Variants in GRID2 observed in about 807,000 individuals in gnomAD.
The protein encoded by GRID2 is glutamate receptor ionotropic, delta-2.
GRID2 carries 33 observed loss-of-function variants against 114.8 expected under a neutral mutation model. The ratio of observed to expected loss-of-function variants is 0.29; its 90% confidence interval spans 0.22 to 0.38. The LOEUF (loss-of-function observed/expected upper bound fraction) is 0.38. Ranked by LOEUF, GRID2 falls within the 10% of genes least tolerant of loss-of-function variation. The pLI, the probability that GRID2 is intolerant of heterozygous loss-of-function variation, is 1.00. For missense variants in GRID2, 1,184 were observed against 1,257.7 expected (o/e 0.94, Z 0.89); for synonymous variants, 505 against 449.9 (o/e 1.12, Z -1.55).
chr4:92,407,107 G>C (rs1353310637), intron 1 of GRID2, among the ~76,000 whole-genome samples: 5 of 151,974 alleles, frequency 3.3e-5, no homozygotes, highest in Non-Finnish European at 4.4e-5. Flanking sequence ...GTGCGTGTCA[G>C]ATACTGCCAC....
intron 13 of GRID2, among the ~76,000 whole-genome samples, chr4:93,587,782 A>T (rs1024074977): frequency 2.6e-5 from 4 of 152,132 alleles, no homozygotes; most frequent in Admixed American, 6.6e-5. Context: ...TTATAATTTT[A>T]TGAGTAAATT....
At chr4:93,748,243 T>G (rs776153741) in intron 14 of GRID2, among the ~76,000 whole-genome samples, 8 of 152,266 alleles carry the variant, frequency 5.3e-5, no homozygotes, top group African/African-American at 1.9e-4. Context: ...AGCCATCATC[T>G]AAGAACCTTG....
At chr4:93,262,516 T>C (rs1196380777) in intron 8 of GRID2, among the ~76,000 whole-genome samples, 4 of 151,984 alleles carry the variant, frequency 2.6e-5, no homozygotes, top group African/African-American at 9.7e-5. Flanking sequence ...ATTATATACA[T>C]ATATTTTCCA....
intron 13 of GRID2, among the ~76,000 whole-genome samples, chr4:93,621,010 C>T (rs898779378): frequency 9.2e-5 from 14 of 152,134 alleles, no homozygotes; most frequent in African/African-American, 2.7e-4. Flanking sequence ...TTGTACTTGA[C>T]TTATCTCCAC....
At chr4:92,944,175 C>G (rs1277102395) in intron 2 of GRID2, among the ~76,000 whole-genome samples, 2 of 152,220 alleles carry the variant, frequency 1.3e-5, no homozygotes, top group Non-Finnish European at 2.9e-5. Context: ...GCCCTGCCCC[C>G]AGATGTGGAG....
chr4:93,487,144 A>G (rs1394744627), intron 11 of GRID2, among the ~76,000 whole-genome samples: 1 of 151,808 alleles, frequency 6.6e-6, no homozygotes. Context: ...AACATCTGTA[A>G]CAATGTACTT....
intron 1 of GRID2, among the ~76,000 whole-genome samples, chr4:92,415,486 A>T (rs1731549058): frequency 6.6e-6 from 1 of 151,574 alleles, no homozygotes; most frequent in Non-Finnish European, 1.5e-5. Context: ...GTTCCTCCCA[A>T]GTACCCAAAG....
At chr4:92,995,687 A>G (rs528555504) in intron 2 of GRID2, among the ~76,000 whole-genome samples, 1 of 152,134 alleles carries the variant, frequency 6.6e-6, no homozygotes, top group Non-Finnish European at 1.5e-5. Flanking sequence ...ATATGGCATT[A>G]CTTTGATATC....
At chr4:92,511,841 A>G (rs187390962) in intron 1 of GRID2, among the ~76,000 whole-genome samples, 4 of 151,994 alleles carry the variant, frequency 2.6e-5, no homozygotes, top group Admixed American at 2.0e-4. Context: ...TTCTAGTTTA[A>G]TGATTTTAAC....
intron 2 of GRID2, among the ~76,000 whole-genome samples, chr4:93,073,050 C>T (rs1186212198): frequency 6.6e-6 from 1 of 152,252 alleles, no homozygotes; most frequent in South Asian, 2.1e-4. Context: ...GTTTGTCTCT[C>T]CAGTAAATTG....
intron 1 of GRID2, among the ~76,000 whole-genome samples, chr4:92,563,752 T>C (rs1727211530): frequency 6.6e-6 from 1 of 152,150 alleles, no homozygotes; most frequent in Admixed American, 6.6e-5. Context: ...AATATAATTG[T>C]GTCAAATTAG....
chr4:92,472,812 T>C (rs1332042096), intron 1 of GRID2, among the ~76,000 whole-genome samples: 4 of 152,138 alleles, frequency 2.6e-5, no homozygotes. Context: ...ATTTTTCTGC[T>C]CTGGAAACAA....
intron 8 of GRID2, among the ~76,000 whole-genome samples, chr4:93,395,260 A>G (rs758646611): frequency 1.3e-5 from 2 of 151,978 alleles, no homozygotes; most frequent in African/African-American, 2.4e-5. Flanking sequence ...ACAGTAATTG[A>G]TATATTAAAA....
intron 14 of GRID2, among the ~76,000 whole-genome samples, chr4:93,650,713 T>C (rs1242586215): frequency 3.3e-5 from 5 of 152,116 alleles, no homozygotes; most frequent in Non-Finnish European, 7.4e-5. Flanking sequence ...CTAGTTTAAA[T>C]CTAAGAACTC....
chr4:93,612,958 G>A (rs943356778), intron 13 of GRID2, among the ~76,000 whole-genome samples: 2 of 147,056 alleles, frequency 1.4e-5, no homozygotes, highest in East Asian at 2.0e-4. Flanking sequence ...CCAATCAGAC[G>A]TAGATTTGGT....
intron 2 of GRID2, among the ~76,000 whole-genome samples, chr4:92,916,250 T>A (rs1291982763): frequency 2.0e-5 from 3 of 152,114 alleles, no homozygotes; most frequent in Non-Finnish European, 4.4e-5. Flanking sequence ...TTATACATGG[T>A]ATAAGGAAGG....
At chr4:93,349,849 T>C (rs2149259062) in intron 8 of GRID2, among the ~76,000 whole-genome samples, 1 of 152,128 alleles carries the variant, frequency 6.6e-6, no homozygotes, top group Admixed American at 6.6e-5. Flanking sequence ...TAAACTCAGA[T>C]AAGTAGACAA....
At chr4:93,351,079 G>A (rs1760751733) in intron 8 of GRID2, among the ~76,000 whole-genome samples, 1 of 152,004 alleles carries the variant, frequency 6.6e-6, no homozygotes, top group Non-Finnish European at 1.5e-5. Flanking sequence ...GAGATAAACT[G>A]CCCTCATGAT....
chr4:92,931,089 A>T (rs1418114749), intron 2 of GRID2, among the ~76,000 whole-genome samples: 1 of 144,504 alleles, frequency 6.9e-6, no homozygotes, highest in Non-Finnish European at 1.5e-5. Context: ...TTTTACCACT[A>T]CAAACATAGT....
Sources: gnomAD v4.1 joint callset for allele counts (sites outside exome capture counted in the v4.1 genomes callset) on GRCh38, gnomAD v4.1.1 for gene constraint, MANE v1.5 for transcripts, NCBI Gene and HGNC (gene_info 2026-07-23, HGNC 2026-07-21) for gene names.